Variants in PTPRD observed in about 807,000 individuals in gnomAD.
PTPRD encodes the protein receptor-type tyrosine-protein phosphatase delta.
PTPRD carries 34 observed loss-of-function variants against 214.5 expected under a neutral mutation model. The ratio of observed to expected loss-of-function variants is 0.16; its 90% CI spans 0.12 to 0.21. The LOEUF (loss-of-function observed/expected upper bound fraction) is 0.21. Among genes scored for constraint, PTPRD ranks in the 10% least tolerant of loss-of-function variants. The pLI is 1.00. For missense variants in PTPRD, 2,545 were observed against 2,398.7 expected, an observed-to-expected ratio of 1.06 and a Z score of -1.27; for synonymous variants, 1,128 against 845.7, an observed-to-expected ratio of 1.33 and a Z score of -5.79.
chr9:9,262,390 C>T (rs1200537952), intron 9 of PTPRD, among the ~76,000 whole-genome samples: 2 of 151,026 alleles, frequency 1.3e-5, no homozygotes, highest in African/African-American at 2.4e-5. Context: ...TGTTTACATG[C>T]TTTTTTCCCC....
At chr9:10,315,161 G>A (rs1203475932) in intron 3 of PTPRD, among the ~76,000 whole-genome samples, 2 of 151,884 alleles carry the variant, frequency 1.3e-5, no homozygotes, top group African/African-American at 4.8e-5. Context: ...GAGAGATCTA[G>A]CATGAATGGC....
chr9:10,548,835 G>A (rs965037851), intron 2 of PTPRD, among the ~76,000 whole-genome samples: 14 of 152,128 alleles, frequency 9.2e-5, no homozygotes, highest in Non-Finnish European at 2.1e-4. Context: ...TCTCCATGGG[G>A]GAAAGAAGCA....
intron 10 of PTPRD, among the ~76,000 whole-genome samples, chr9:9,102,182 T>G (rs1312535246): frequency 6.6e-6 from 1 of 152,220 alleles, no homozygotes; most frequent in Non-Finnish European, 1.5e-5. Context: ...ATATGTAGGT[T>G]GTAGCTGCTC....
intron 8 of PTPRD, among the ~76,000 whole-genome samples, chr9:9,533,041 T>C (rs572299921): frequency 1.3e-5 from 2 of 152,292 alleles, no homozygotes; most frequent in Admixed American, 6.5e-5. Flanking sequence ...CTTGGCTTTT[T>C]TATGGATACA....
chr9:8,825,351 G>A (rs1227402033), intron 11 of PTPRD, among the ~76,000 whole-genome samples: 2 of 152,064 alleles, frequency 1.3e-5, no homozygotes, highest in Non-Finnish European at 2.9e-5. Context: ...TTAAAATTGT[G>A]TCCTGTGACA....
chr9:9,278,923 A>G (rs535919424), intron 9 of PTPRD, among the ~76,000 whole-genome samples: 17 of 151,446 alleles, frequency 1.1e-4, no homozygotes, highest in Non-Finnish European at 4.4e-5. Flanking sequence ...GCCAGGTCAG[A>G]TATGCTTTAC....
At chr9:8,403,279 T>C (rs2130450077) in intron 36 of PTPRD, among the ~76,000 whole-genome samples, 1 of 152,322 alleles carries the variant, frequency 6.6e-6, no homozygotes, top group South Asian at 2.1e-4. Context: ...CTTTCAACTA[T>C]AAAGTCCTTA....
chr9:10,414,336 A>G (rs945824310), intron 2 of PTPRD, among the ~76,000 whole-genome samples: 2 of 152,096 alleles, frequency 1.3e-5, no homozygotes, highest in Admixed American at 1.3e-4. Flanking sequence ...GCACATGAAA[A>G]AAGCTCAATA....
intron 45 of PTPRD, among the ~76,000 whole-genome samples, chr9:8,319,168 T>C (rs117691743): frequency 0.015 from 2,300 of 152,200 alleles, 28 homozygotes; most frequent in Non-Finnish European, 0.023. Flanking sequence ...GGATGATGAA[T>C]TGAGGAACAC....
chr9:10,114,519 T>C (rs1389902826), intron 3 of PTPRD, among the ~76,000 whole-genome samples: 1 of 152,100 alleles, frequency 6.6e-6, no homozygotes, highest in Admixed American at 6.6e-5. Context: ...TTCATATATG[T>C]GAATTTTATT....
In PTPRD at chr9:8,518,113, T is replaced by C. The variant is rs751885272; in HGVS notation, c.1278A>G (p.Ala426=). The C allele has an allele frequency of 6.2e-7, 1 of 1,614,204 alleles. No homozygotes were observed. The highest frequency in any genetic ancestry group is 8.5e-7 in the Non-Finnish European group (1 of 1,180,034). Reference sequence around the variant, plus strand: ...AAATGGTGGTCGAACTCAACATTCGTGCCTGGACATCCCTCGGGGCACTGG... The same window carrying C: ...AAATGGTGGTCGAACTCAACATTCGCGCCTGGACATCCCTCGGGGCACTGG... ...APSSAPRDVQ[A]RMLSSTTILV... Residue 426 remains alanine (A), a synonymous_variant, in exon 21 of 46, where the codon GCA becomes GCG. Coordinates refer to ENST00000381196, the MANE Select transcript of PTPRD (RefSeq NM_002839.4).
At chr9:9,981,716 A>G (rs573013402) in intron 4 of PTPRD, among the ~76,000 whole-genome samples, 46 of 152,254 alleles carry the variant, frequency 3.0e-4, no homozygotes, top group African/African-American at 9.4e-4. Flanking sequence ...TCCAATGGGG[A>G]AAAAGAAATA....
chr9:8,706,649 C>G (rs1190031595), intron 12 of PTPRD, among the ~76,000 whole-genome samples: 1 of 152,120 alleles, frequency 6.6e-6, no homozygotes, highest in Non-Finnish European at 1.5e-5. Flanking sequence ...TGAGCATATG[C>G]CAGGCAGGAA....
chr9:9,222,341 G>A (rs2099956631), intron 9 of PTPRD, among the ~76,000 whole-genome samples: 3 of 151,924 alleles, frequency 2.0e-5, no homozygotes, highest in Admixed American at 6.6e-5. Flanking sequence ...AGAGTTCTGT[G>A]TTTAAAAATG....
intron 3 of PTPRD, among the ~76,000 whole-genome samples, chr9:10,225,683 C>A (rs893423788): frequency 7.9e-5 from 12 of 152,050 alleles, no homozygotes; most frequent in Middle Eastern, 3.2e-3. Context: ...AAAGTCTACT[C>A]TTATTCATTA....
chr9:9,652,457 A>C (rs549675773), intron 7 of PTPRD, among the ~76,000 whole-genome samples: 1 of 152,160 alleles, frequency 6.6e-6, no homozygotes, highest in South Asian at 2.1e-4. Context: ...AGAGTTCTTG[A>C]TATCACCAAC....
chr9:9,164,901 A>G (rs2099899173), intron 10 of PTPRD, among the ~76,000 whole-genome samples: 1 of 151,846 alleles, frequency 6.6e-6, no homozygotes. Context: ...AACCAACCAG[A>G]AATTAGCCGG....
intron 10 of PTPRD, among the ~76,000 whole-genome samples, chr9:9,022,128 C>T (rs534181424): frequency 4.7e-5 from 7 of 149,514 alleles, no homozygotes; most frequent in South Asian, 4.3e-4. Context: ...TATCCCAGAA[C>T]GTAAAGTAAA....
At chr9:9,215,149 T>A (rs140256949) in intron 9 of PTPRD, among the ~76,000 whole-genome samples, 1 of 152,186 alleles carries the variant, frequency 6.6e-6, no homozygotes, top group Non-Finnish European at 1.5e-5. Flanking sequence ...TTGGTCCATG[T>A]GCATTTGTGA....
Sources: gnomAD v4.1 joint callset for allele counts (sites outside exome capture counted in the v4.1 genomes callset) on GRCh38, gnomAD v4.1.1 for gene constraint, MANE v1.5 for transcripts, NCBI Gene and HGNC (gene_info 2026-07-23, HGNC 2026-07-21) for gene names.